Variants in RPH3AL observed in about 807,000 individuals in gnomAD.
RPH3AL encodes rab effector Noc2.
A neutral mutation model predicts 43.1 loss-of-function variants in RPH3AL; 38 were observed. The ratio of observed to expected loss-of-function variants is 0.88; its 90% CI spans 0.68 to 1.15. RPH3AL has a LOEUF of 1.15. RPH3AL is among the 50% of genes most tolerant of loss of function. The pLI, the probability that RPH3AL is intolerant of heterozygous loss-of-function variation, is 0.00. For missense variants in RPH3AL, 462 were observed against 423.2 expected (o/e 1.09, Z -0.81); for synonymous variants, 189 against 176.3 (o/e 1.07, Z -0.57).
intron 7 of RPH3AL, among the ~76,000 whole-genome samples, chr17:235,885 G>C (rs113700526): frequency 4.3e-4 from 34 of 78,750 alleles, no homozygotes; most frequent in Admixed American, 5.7e-4. Flanking sequence ...AGGCTCTGCA[G>C]TAACAAGAGG....
intron 7 of RPH3AL, among the ~76,000 whole-genome samples, chr17:238,389 C>T (rs74559876): frequency 2.1e-4 from 32 of 152,232 alleles, no homozygotes; most frequent in African/African-American, 7.0e-4. Flanking sequence ...ACCTAGGCAG[C>T]GGTGCCTGCG....
At position 268,909 on chromosome 17, in the gene RPH3AL, C is replaced by T. The variant is rs773282418; in HGVS notation, c.438+12859G>A. ...TTATTATTTTTTTGAGACGGAGTCT[C>T]GCTCCGTCACCCAGGCTGGAGTGCA... On this transcript the variant is annotated intron_variant, in intron 6 of 9. Coordinates refer to ENST00000331302, the MANE Select transcript of RPH3AL (RefSeq NM_006987.4). Among the ~76,000 whole-genome samples the T allele has an allele frequency of 2.1e-4, 32 of 152,116 alleles. 1 individual carries two copies. Among genetic ancestry groups the T allele is most frequent in the Non-Finnish European group, 1.2e-4 (8 of 67,986 alleles).
At chr17:291,546 A>G (rs534792201) in intron 5 of RPH3AL, among the ~76,000 whole-genome samples, 1 of 152,302 alleles carries the variant, frequency 6.6e-6, no homozygotes, top group South Asian at 2.1e-4. Flanking sequence ...ATAAAATAGG[A>G]TAAGAAATAG....
chr17:243,878 T>C (rs2041664757), intron 7 of RPH3AL, among the ~76,000 whole-genome samples: 1 of 151,372 alleles, frequency 6.6e-6, no homozygotes, highest in Non-Finnish European at 1.5e-5. Flanking sequence ...TTACACTTCC[T>C]CTACTGATTA....
At chr17:219,827 C>G (rs542699867) in intron 7 of RPH3AL, 91 bp from the exon 8 acceptor site, 75 of 905,284 alleles carry the variant, frequency 8.3e-5, no homozygotes, top group Non-Finnish European at 1.1e-4. Flanking sequence ...CTCCCCAGCT[C>G]ATTACCACGT....
chr17:230,770 C>T (rs1465888160), intron 7 of RPH3AL, among the ~76,000 whole-genome samples: 3 of 152,214 alleles, frequency 2.0e-5, no homozygotes, highest in African/African-American at 4.8e-5. Flanking sequence ...ATCCTGACTC[C>T]AGCCTTTCTC....
intron 6 of RPH3AL, among the ~76,000 whole-genome samples, chr17:262,840 G>T (rs2042232887): frequency 6.6e-6 from 1 of 152,160 alleles, no homozygotes; most frequent in African/African-American, 2.4e-5. Flanking sequence ...CACAAAGCCT[G>T]CAGGGTTATT....
rs2044828807 is a variant in RPH3AL, at chr17:332,971, T to G, written c.-37+788A>C. On this transcript the variant is annotated intron_variant, in intron 2 of 9. Transcript: ENST00000331302. ...GGAACAGGAGTTGCCGGTGATAATT[T>G]CCCGAAAAATTCCTAGGGGACAGAG... 2.4e-6 allele frequency: 3 copies of G among 1,264,352 alleles called. No individual in the cohort carries two copies. In the South Asian group the frequency reaches 3.8e-5, roughly 16 times the overall value. The allele number at this position is 1,264,352 out of a possible 1,614,324, so 78.3% of individuals were successfully genotyped here.
chr17:314,559 GCCCC>G (rs2043811825), intron 5 of RPH3AL, among the ~76,000 whole-genome samples: 3 of 121,216 alleles, frequency 2.5e-5, no homozygotes, highest in Admixed American at 8.6e-5. Flanking sequence ...TAGTCTCTGT[GCCCC>G]ACCTCCACTG....
At chr17:315,692 T>TA (rs2044044053) in intron 5 of RPH3AL, among the ~76,000 whole-genome samples, 2 of 150,330 alleles carry the variant, frequency 1.3e-5, no homozygotes, top group Admixed American at 6.6e-5. Flanking sequence ...TGACCCCACC[T>TA]CCATTGACCT....
chr17:221,376 ACT>A (rs2040968541), intron 7 of RPH3AL, among the ~76,000 whole-genome samples: 1 of 139,922 alleles, frequency 7.1e-6, no homozygotes. Flanking sequence ...GGCTCCACTC[ACT>A]GAGACAACAG....
intron 5 of RPH3AL, among the ~76,000 whole-genome samples, chr17:317,431 T>G: frequency 1.3e-5 from 2 of 148,570 alleles, no homozygotes; most frequent in South Asian, 2.2e-4. Context: ...ACACCTCCAT[T>G]GACCTGTAGT....
intron 5 of RPH3AL, among the ~76,000 whole-genome samples, chr17:291,095 G>A (rs2043038405): frequency 1.3e-5 from 2 of 152,354 alleles, no homozygotes; most frequent in East Asian, 1.9e-4. Flanking sequence ...GATGAACACT[G>A]AAGATGGCTG....
Position 215,113 on chromosome 17 carries a change from C to T in RPH3AL, c.876+541G>A, listed in dbSNP as rs2040764881. Among the ~76,000 whole-genome samples the T allele has an allele frequency of 6.6e-6, 1 of 152,180 alleles. No homozygotes were observed. Among genetic ancestry groups the T allele is most frequent in the Non-Finnish European group, 1.5e-5 (1 of 68,010 alleles). On this transcript the variant is annotated intron_variant, in intron 9 of 9. Transcript: ENST00000331302. This position sits in a 1 kb window ranked among gnomAD's most constrained non-coding sequence, Gnocchi z 4.1. ...CATGAATCCTCTGGCCAGGGAGGGGCCCAACCTGCCCAGGGCTTCTTTCTT... is the reference window on the plus strand; with the variant it reads ...CATGAATCCTCTGGCCAGGGAGGGGTCCAACCTGCCCAGGGCTTCTTTCTT...
intron 5 of RPH3AL, among the ~76,000 whole-genome samples, chr17:308,915 A>G (rs773986711): frequency 1.1e-4 from 17 of 152,174 alleles, no homozygotes; most frequent in Non-Finnish European, 1.9e-4. Context: ...TACTTCTCAG[A>G]GGTTAGCAGA....
Position 321,287 on chromosome 17 carries a change from T to TCCAGGA in RPH3AL, c.200_205dup (p.Val67_Leu68dup). 1.2e-6 allele frequency: 2 copies of TCCAGGA among 1,608,540 alleles called. No individual in the cohort carries two copies. The highest frequency in any genetic ancestry group is 2.2e-5 in the South Asian group (2 of 91,026). The stretch of plus-strand genomic sequence containing the variant: ...CCCGCCTCACCCGATTCTCTGCTGC[T>TCCAGGA]CCAGGACGTCGAGCCGCTCTGCCCT... On this transcript the variant is annotated inframe_insertion, in exon 4 of 10. Coordinates refer to ENST00000331302, the MANE Select transcript of RPH3AL (RefSeq NM_006987.4).
At chr17:315,329 A>T in intron 5 of RPH3AL, among the ~76,000 whole-genome samples, 1 of 145,414 alleles carries the variant, frequency 6.9e-6, no homozygotes, top group Admixed American at 6.9e-5. Flanking sequence ...CCCCACCTCC[A>T]CTGACCTGTA....
At chr17:317,389 C>A (rs2044304911) in intron 5 of RPH3AL, among the ~76,000 whole-genome samples, 2 of 151,496 alleles carry the variant, frequency 1.3e-5, no homozygotes, top group African/African-American at 4.9e-5. Flanking sequence ...CCCTGTGGCC[C>A]CACGTCCATT....
In RPH3AL at chr17:323,993, C is replaced by A. The variant is rs2044549337; in HGVS notation, c.78-2578G>T. 6.6e-6 allele frequency among the ~76,000 whole-genome samples: 1 copy of A among 151,384 alleles called. No homozygotes were observed. The highest frequency in any genetic ancestry group is 1.5e-5 in the Non-Finnish European group (1 of 67,838). On this transcript the variant is annotated intron_variant, in intron 3 of 9. Transcript: ENST00000331302. This position sits in a 1 kb window ranked among gnomAD's most constrained non-coding sequence, Gnocchi z 4.4. The stretch of plus-strand genomic sequence containing the variant: ...GTCATCCCACAAGGCAGGCCTAGAC[C>A]CTCAGTCACCCTGCAAGGCAGGCCC...
Sources: allele counts gnomAD v4.1 joint callset (sites outside exome capture counted in the v4.1 genomes callset), GRCh38; gene constraint gnomAD v4.1.1; non-coding constraint Gnocchi (gnomAD v3.1); transcripts MANE v1.5; gene names NCBI Gene and HGNC (gene_info 2026-07-23, HGNC 2026-07-21).